ZNF804A: variants seen among roughly 807,000 people sequenced by gnomAD.
ZNF804A encodes zinc finger protein 804A.
A neutral mutation model predicts 16.5 loss-of-function variants in ZNF804A; 2 were observed. The ratio of observed to expected loss-of-function variants is 0.12; its 90% CI spans 0.05 to 0.38. The LOEUF (loss-of-function observed/expected upper bound fraction) is 0.38. Ranked by LOEUF, ZNF804A falls within the 10% of genes least tolerant of loss-of-function variation. The pLI is 0.99. For synonymous variants in ZNF804A, 534 were observed against 489.6 expected, an observed-to-expected ratio of 1.09 and a Z score of -1.20; for missense variants, 1,473 against 1,390.7, an observed-to-expected ratio of 1.06 and a Z score of -0.94.
intron 1 of ZNF804A, among the ~76,000 whole-genome samples, chr2:184,606,366 C>T (rs899167634): frequency 2.0e-5 from 3 of 152,022 alleles, no homozygotes; most frequent in Non-Finnish European, 4.4e-5. Context: ...ATGCCAGATG[C>T]GTATACAATT....
chr2:184,844,152 G>T (rs1695478605), intron 1 of ZNF804A, among the ~76,000 whole-genome samples: 1 of 151,398 alleles, frequency 6.6e-6, no homozygotes, highest in Admixed American at 6.6e-5. Flanking sequence ...TGGATACCTT[G>T]CAAGAGAGTA....
chr2:184,656,575 A>G (rs1488769733), intron 1 of ZNF804A, among the ~76,000 whole-genome samples: 1 of 152,118 alleles, frequency 6.6e-6, no homozygotes, highest in Non-Finnish European at 1.5e-5. Flanking sequence ...TTAAGTGTTT[A>G]AAGTTAAGGC....
intron 1 of ZNF804A, among the ~76,000 whole-genome samples, chr2:184,633,360 T>A (rs1361376456): frequency 1.3e-5 from 2 of 152,196 alleles, no homozygotes; most frequent in Non-Finnish European, 2.9e-5. Context: ...CTTTTGGGAT[T>A]TTTTTAAATA....
At chr2:184,635,481 CTTATAT>C (rs1026343205) in intron 1 of ZNF804A, among the ~76,000 whole-genome samples, 1 of 152,004 alleles carries the variant, frequency 6.6e-6, no homozygotes, top group Non-Finnish European at 1.5e-5. Context: ...AATAATGAAT[CTTATAT>C]TTATATGGCA....
chr2:184,927,840 G>T (rs1370733868), intron 2 of ZNF804A, among the ~76,000 whole-genome samples: 1 of 152,146 alleles, frequency 6.6e-6, no homozygotes, highest in East Asian at 1.9e-4. Context: ...AGTTTGTGGT[G>T]AATACTGCCT....
chr2:184,708,418 CA>C (rs901037308), intron 1 of ZNF804A, among the ~76,000 whole-genome samples: 13 of 152,162 alleles, frequency 8.5e-5, no homozygotes, highest in African/African-American at 3.1e-4. Flanking sequence ...TTACCCTAAC[CA>C]AAACAGCTTG....
At chr2:184,911,400 A>T (rs1318389619) in intron 2 of ZNF804A, among the ~76,000 whole-genome samples, 2 of 151,944 alleles carry the variant, frequency 1.3e-5, no homozygotes, top group Non-Finnish European at 2.9e-5. Context: ...AAGTCTAGTA[A>T]CATGATACTT....
chr2:184,839,013 C>G (rs1695395586), intron 1 of ZNF804A, among the ~76,000 whole-genome samples: 1 of 152,010 alleles, frequency 6.6e-6, no homozygotes, highest in Non-Finnish European at 1.5e-5. Context: ...TCCCAATGTC[C>G]AGAGAATTGA....
chr2:184,881,593 C>T (rs1000475403), intron 2 of ZNF804A, among the ~76,000 whole-genome samples: 1 of 151,970 alleles, frequency 6.6e-6, no homozygotes, highest in African/African-American at 2.4e-5. Context: ...ACCTTAGAAG[C>T]TAGCAGAGAT....
chr2:184,751,525 TC>T (rs1693878101), intron 1 of ZNF804A, among the ~76,000 whole-genome samples: 1 of 151,290 alleles, frequency 6.6e-6, no homozygotes, highest in Non-Finnish European at 1.5e-5. Flanking sequence ...TGACACTACA[TC>T]AAATTAACAA....
chr2:184,935,956 C>A lies in ZNF804A; in HGVS notation c.560C>A (p.Pro187Gln). The change falls in exon 4 of 4, where the codon CCA becomes CAA. Residue 187 changes from proline to glutamine, a missense_variant. Coordinates refer to ENST00000302277, the MANE Select transcript of ZNF804A (RefSeq NM_194250.2). ...GATGCTACCACTGTTGCTGAAGATC[C>A]AGAAAGTGCAAATAATTATACAGCA... is the stretch of plus-strand genomic sequence containing the variant. ...TKDATTVAED[P>Q]ESANNYTAKN... The A allele has an allele frequency of 6.2e-7, 1 of 1,613,858 alleles. No homozygotes were observed. Among genetic ancestry groups the A allele is most frequent in the Non-Finnish European group, 8.5e-7 (1 of 1,179,910 alleles).
intron 1 of ZNF804A, among the ~76,000 whole-genome samples, chr2:184,604,701 T>C (rs1207946372): frequency 2.0e-5 from 3 of 152,186 alleles, no homozygotes. Flanking sequence ...CTTAGGTTAC[T>C]TTCCTGACCA....
chr2:184,789,902 T>C (rs945415907), intron 1 of ZNF804A, among the ~76,000 whole-genome samples: 3 of 152,090 alleles, frequency 2.0e-5, no homozygotes, highest in Non-Finnish European at 4.4e-5. Context: ...TTCTAGTTCC[T>C]TGAGTTACAA....
intron 1 of ZNF804A, among the ~76,000 whole-genome samples, chr2:184,697,639 G>C (rs887586568): frequency 1.3e-5 from 2 of 151,974 alleles, no homozygotes; most frequent in African/African-American, 4.8e-5. Flanking sequence ...AATTCAAAGA[G>C]TAATACTTAT....
rs139003686 is a variant in ZNF804A at position 184,897,782 on chromosome 2, C to A, written c.255+31270C>A. Among the ~76,000 whole-genome samples the A allele has an allele frequency of 9.0e-3, 1,365 of 152,154 alleles. 10 individuals carry two copies. The highest frequency in any genetic ancestry group is 0.014 in the Non-Finnish European group (957 of 67,966). ...TTGTTTTTTGTATTCCTTTAACACA[C>A]CCCCATACTTCCATCATTATAGTTT... On this transcript the variant is annotated intron_variant, in intron 2 of 3. Coordinates refer to ENST00000302277, the MANE Select transcript of ZNF804A (RefSeq NM_194250.2).
chr2:184,653,632 C>T (rs1469821705), intron 1 of ZNF804A, among the ~76,000 whole-genome samples: 3 of 152,166 alleles, frequency 2.0e-5, no homozygotes, highest in African/African-American at 7.2e-5. Context: ...GACTTGCATC[C>T]ATCTTCCCCT....
At position 184,614,889 on chromosome 2, in the gene ZNF804A, G is replaced by A. The variant is rs183938462; in HGVS notation, c.111+15819G>A. ...ATCATTAAAAAGTCAGGAAACAACA[G>A]ATGCTGGAGAGGATGTGGAGAAATT... On this transcript the variant is annotated intron_variant, in intron 1 of 3. Coordinates refer to ENST00000302277, the MANE Select transcript of ZNF804A (RefSeq NM_194250.2). Among the ~76,000 whole-genome samples the A allele has an allele frequency of 7.7e-4, 118 of 152,294 alleles. 1 individual carries two copies. The highest frequency in any genetic ancestry group is 7.6e-4 in the Non-Finnish European group (52 of 68,020).
rs946016718 is a variant in ZNF804A, at chr2:184,599,060, A to G, written c.101A>G (p.Asn34Ser). The G allele has an allele frequency of 3.1e-6, 5 of 1,611,268 alleles. No individual in the cohort carries two copies. Among genetic ancestry groups the G allele is most frequent in the Non-Finnish European group, 3.4e-6 (4 of 1,177,986 alleles). Reference sequence around the variant, plus strand: ...CGGGGCCCTCTCAGCAAGAACGGGAACAAAACTCTGGTAATCGCTTCTGTT... The same window carrying G: ...CGGGGCCCTCTCAGCAAGAACGGGAGCAAAACTCTGGTAATCGCTTCTGTT... ...VFRGPLSKNG[N>S]KTLDYAEKEN... The change falls in exon 1 of 4, where the codon AAC (asparagine) becomes AGC (serine). Residue 34 changes from asparagine to serine, a missense_variant. Transcript: ENST00000302277.
At chr2:184,692,744 A>G (rs532966309) in intron 1 of ZNF804A, among the ~76,000 whole-genome samples, 2 of 152,328 alleles carry the variant, frequency 1.3e-5, no homozygotes, top group East Asian at 1.9e-4. Context: ...TTTTTAACCA[A>G]TTAAGGTCAC....
Sources: gnomAD v4.1 joint callset for allele counts (sites outside exome capture counted in the v4.1 genomes callset) on GRCh38, gnomAD v4.1.1 for gene constraint, MANE v1.5 for transcripts, NCBI Gene and HGNC (gene_info 2026-07-23, HGNC 2026-07-21) for gene names.